Variants in OSBPL3 observed in about 807,000 individuals in gnomAD.
OSBPL3 encodes the protein oxysterol-binding protein-related protein 3.
In OSBPL3, 65 loss-of-function variants were observed where a neutral mutation model predicts 120.1. The ratio of observed to expected loss-of-function variants is 0.54; its 90% CI spans 0.44 to 0.67. OSBPL3 has a LOEUF of 0.67. Among genes scored for constraint, OSBPL3 ranks in the 30% least tolerant of loss-of-function variants. OSBPL3 has a pLI of 0.00. For missense variants in OSBPL3, 1,004 were observed against 1,082.1 expected (o/e 0.93, Z 1.01); for synonymous variants, 416 against 402.6 (o/e 1.03, Z -0.40).
At chr7:24,944,701 G>C (rs1813514670) in intron 1 of OSBPL3, among the ~76,000 whole-genome samples, 2 of 151,910 alleles carry the variant, frequency 1.3e-5, no homozygotes, top group Admixed American at 1.3e-4. Flanking sequence ...CCTTTCAAAA[G>C]AGAAGGAATG....
At position 24,849,890 on chromosome 7, in the gene OSBPL3, C is replaced by G. The variant is rs1438233313; in HGVS notation, c.1159-714G>C. 6.7e-6 allele frequency among the ~76,000 whole-genome samples: 1 copy of G among 149,436 alleles called. No homozygotes were observed. Among genetic ancestry groups the G allele is most frequent in the African/African-American group, 2.5e-5 (1 of 40,500 alleles). On this transcript the variant is annotated intron_variant, in intron 11 of 22. Coordinates refer to ENST00000313367, the MANE Select transcript of OSBPL3 (RefSeq NM_015550.4). The surrounding 1 kb of genome is among the most constrained non-coding windows in gnomAD (Gnocchi z 5.4). ...GAATTGCTTGAACCTGGGAGGCTGA[C>G]AGATGTTGCAGCGAGCTGAGATTGC... is the stretch of plus-strand genomic sequence containing the variant.
rs1262778056 is a variant in OSBPL3, at chr7:24,883,685, GC to G, written c.96+8691del. ...ATTGCAGAACAATACAGACAGTTCAGCAACTTTCTGGAAGTGTTTTAAGATT... is the reference window on the plus strand; with the variant it reads ...ATTGCAGAACAATACAGACAGTTCAGAACTTTCTGGAAGTGTTTTAAGATT... On this transcript the variant is annotated intron_variant, in intron 2 of 22. Coordinates refer to ENST00000313367, the MANE Select transcript of OSBPL3 (RefSeq NM_015550.4). This position sits in a 1 kb window ranked among gnomAD's most constrained non-coding sequence, Gnocchi z 5.4. Among the ~76,000 whole-genome samples, 1 of 152,172 alleles carries G rather than the reference GC, an allele frequency of 6.6e-6. No individual in the cohort carries two copies. Among genetic ancestry groups the G allele is most frequent in the East Asian group, 1.9e-4 (1 of 5,194 alleles).
At position 24,965,356 on chromosome 7, in the gene OSBPL3, C is replaced by T. The variant is rs1036909373; in HGVS notation, c.-150+14530G>A. On this transcript the variant is annotated intron_variant, in intron 1 of 22. Coordinates refer to ENST00000313367, the MANE Select transcript of OSBPL3 (RefSeq NM_015550.4). The surrounding 1 kb of genome is among the most constrained non-coding windows in gnomAD (Gnocchi z 4.3). ...TGTCTTCAATCTTATTTTCCTTAGT[C>T]GTCCAACAAGGTTAATAAATCCCCT... Among the ~76,000 whole-genome samples the T allele has an allele frequency of 3.3e-5, 5 of 152,148 alleles. No homozygotes were observed. The South Asian group carries it at 6.2e-4, about 19-fold the overall frequency.
intron 16 of OSBPL3, among the ~76,000 whole-genome samples, chr7:24,828,870 TCCTACAC>T (rs765318366): frequency 2.0e-5 from 3 of 152,144 alleles, no homozygotes; most frequent in Non-Finnish European, 4.4e-5. Flanking sequence ...GGTCTGTACA[TCCTACAC>T]CCAGCACATT....
Position 24,872,111 on chromosome 7 carries a change from G to C in OSBPL3, c.97-42C>G, listed in dbSNP as rs781123399. On this transcript the variant is annotated intron_variant, in intron 2 of 22. Transcript: ENST00000313367. The surrounding 1 kb of genome is among the most constrained non-coding windows in gnomAD (Gnocchi z 4.1). ...GTTCATGTTAAATGTCTATCTTTTT[G>C]AAAAATAATAATGGTAAAAAGCACT... 1 of 1,316,770 alleles carries C rather than the reference G, an allele frequency of 7.6e-7. No homozygotes were observed. Among genetic ancestry groups the C allele is most frequent in the South Asian group, 1.2e-5 (1 of 83,948 alleles). 81.6% of individuals were successfully genotyped at this position (1,316,770 alleles called of 1,614,324 possible). A position where few individuals can be genotyped will look rare whatever the true frequency, so the allele number is the denominator to read the frequency against.
intron 15 of OSBPL3, among the ~76,000 whole-genome samples, chr7:24,832,251 C>T (rs1223658421): frequency 6.7e-6 from 1 of 148,560 alleles, no homozygotes; most frequent in Non-Finnish European, 1.5e-5. Flanking sequence ...GTAGCTCACA[C>T]CTGTAATCTC....
rs771982153 is a variant in OSBPL3, at chr7:24,886,773, CA to C, written c.96+5603del. Among the ~76,000 whole-genome samples, 10 of 152,152 alleles carry C rather than the reference CA, an allele frequency of 6.6e-5. No homozygotes were observed. In the East Asian group the frequency reaches 1.2e-3, roughly 18 times the overall value. On this transcript the variant is annotated intron_variant, in intron 2 of 22. Transcript: ENST00000313367. ...ATTAGCCAAGCTCAAGGTTCCAAACCAGAACATTTGTGAAGGCTTCTCTCAA... is the reference window on the plus strand; with the variant it reads ...ATTAGCCAAGCTCAAGGTTCCAAACCGAACATTTGTGAAGGCTTCTCTCAA...
chr7:24,800,735 GCATGAGCCA>G (rs1382019948), intron 22 of OSBPL3, among the ~76,000 whole-genome samples: 1 of 152,000 alleles, frequency 6.6e-6, no homozygotes, highest in Non-Finnish European at 1.5e-5. Flanking sequence ...GGGATTACAG[GCATGAGCCA>G]CCACGCTGGC....
chr7:24,878,244 G>C (rs1374977377), intron 2 of OSBPL3, among the ~76,000 whole-genome samples: 1 of 152,134 alleles, frequency 6.6e-6, no homozygotes, highest in East Asian at 1.9e-4. Flanking sequence ...CACTACCCTT[G>C]CAGTGATGTC....
rs1791928986 is a variant in OSBPL3, at chr7:24,798,276, T to C, written c.*1907A>G. The C allele has an allele frequency of 6.6e-6, 1 of 152,254 alleles. No homozygotes were observed. The highest frequency in any genetic ancestry group is 2.4e-5 in the African/African-American group (1 of 41,464). The allele number at this position is 152,254 out of a possible 1,614,324, so 9.4% of individuals were successfully genotyped here. ...GCATTTTGTTTTCGTTGCTTCTTTC[T>C]TTTTTGAGCCAGTCTCTGGAGCAGG... On this transcript the variant is annotated 3_prime_UTR_variant, in exon 23 of 23. Coordinates refer to ENST00000313367, the MANE Select transcript of OSBPL3 (RefSeq NM_015550.4). The surrounding 1 kb of genome is among the most constrained non-coding windows in gnomAD (Gnocchi z 4.6).
chr7:24,901,396 T>C (rs1289694254), intron 1 of OSBPL3, among the ~76,000 whole-genome samples: 2 of 151,568 alleles, frequency 1.3e-5, no homozygotes, highest in African/African-American at 4.9e-5. Flanking sequence ...AGATCTAACC[T>C]GCTAAGATGC....
chr7:24,977,729 G>C (rs1432620679), intron 1 of OSBPL3, among the ~76,000 whole-genome samples: 1 of 152,146 alleles, frequency 6.6e-6, no homozygotes. Context: ...GGTGACGGGC[G>C]CCTGTAGTCC....
In OSBPL3 at chr7:24,863,818, C is replaced by T. The variant is rs1217227920; in HGVS notation, c.674-219G>A. 1.3e-5 allele frequency among the ~76,000 whole-genome samples: 2 copies of T among 152,200 alleles called. No individual in the cohort carries two copies. The highest frequency in any genetic ancestry group is 2.4e-5 in the African/African-American group (1 of 41,448). On this transcript the variant is annotated intron_variant, in intron 7 of 22. Coordinates refer to ENST00000313367, the MANE Select transcript of OSBPL3 (RefSeq NM_015550.4). This position sits in a 1 kb window ranked among gnomAD's most constrained non-coding sequence, Gnocchi z 5.8. Reference sequence around the variant, plus strand: ...ACCAGGCTGCTTCAGTTTGAATCCACTTAATGAACTGTAACTATTGAGAAA... The same window carrying T: ...ACCAGGCTGCTTCAGTTTGAATCCATTTAATGAACTGTAACTATTGAGAAA...
chr7:24,893,765 T>G (rs1052598600), intron 1 of OSBPL3, among the ~76,000 whole-genome samples: 33 of 145,422 alleles, frequency 2.3e-4, no homozygotes, highest in East Asian at 4.2e-4. Flanking sequence ...GACGGGGGGG[T>G]GGAGGCTGCA....
rs192737957 is a variant in OSBPL3, at chr7:24,883,227, T to C, written c.96+9150A>G. Among the ~76,000 whole-genome samples the C allele has an allele frequency of 1.7e-3, 258 of 152,222 alleles. 1 individual carries two copies. Among genetic ancestry groups the C allele is most frequent in the African/African-American group, 5.9e-3 (245 of 41,532 alleles). On this transcript the variant is annotated intron_variant, in intron 2 of 22. Coordinates refer to ENST00000313367, the MANE Select transcript of OSBPL3 (RefSeq NM_015550.4). This position sits in a 1 kb window ranked among gnomAD's most constrained non-coding sequence, Gnocchi z 5.4. ...GATGTGGGCTTGTGAACAGATGCAG[T>C]GGAAAACACAGCTGAACTTGACGGT...
At chr7:24,907,449 T>C (rs1020272418) in intron 1 of OSBPL3, among the ~76,000 whole-genome samples, 2 of 152,252 alleles carry the variant, frequency 1.3e-5, no homozygotes, top group African/African-American at 4.8e-5. Context: ...TTTGTGAAGA[T>C]TGACTAAAAT....
intron 1 of OSBPL3, among the ~76,000 whole-genome samples, chr7:24,909,783 C>CTTTTTTT (rs10591188): frequency 2.7e-4 from 21 of 77,292 alleles, no homozygotes; most frequent in Admixed American, 5.2e-4. Flanking sequence ...TTTTTTCTTT[C>CTTTTTTT]TTTTTTTTTT....
chr7:24,941,456 A>C (rs1813100626), intron 1 of OSBPL3, among the ~76,000 whole-genome samples: 1 of 152,090 alleles, frequency 6.6e-6, no homozygotes, highest in Non-Finnish European at 1.5e-5. Context: ...AATATCTCCT[A>C]CCTAGCTTTC....
chr7:24,962,123 T>C (rs970619553), intron 1 of OSBPL3, among the ~76,000 whole-genome samples: 2 of 151,396 alleles, frequency 1.3e-5, no homozygotes, highest in African/African-American at 4.9e-5. Context: ...GCCAACATGG[T>C]GAAACACCAT....
Sources: allele counts gnomAD v4.1 joint callset (sites outside exome capture counted in the v4.1 genomes callset), GRCh38; gene constraint gnomAD v4.1.1; non-coding constraint Gnocchi (gnomAD v3.1); transcripts MANE v1.5; gene names NCBI Gene and HGNC (gene_info 2026-07-23, HGNC 2026-07-21).